The following RTP2 variants were observed in gnomAD, a reference collection of about 807,000 sequenced individuals.
RTP2 encodes receptor-transporting protein 2.
Under a neutral mutation model 17.9 loss-of-function variants are expected in RTP2, and 12 were observed. The observed-to-expected ratio is 0.67, with a 90% confidence interval of 0.43 to 1.09. The LOEUF is 1.09. Ranked by LOEUF, RTP2 falls within the 50% of genes least tolerant of loss-of-function variation. The probability of loss-of-function intolerance (pLI) is 0.00; values close to 1 mark genes in which losing one functional copy is unlikely to be tolerated. For synonymous variants in RTP2, 126 were observed against 117.7 expected, an observed-to-expected ratio of 1.07 and a Z score of -0.46; for missense variants, 327 against 295.7, an observed-to-expected ratio of 1.11 and a Z score of -0.78.
chr3:187,698,861 G>C, exon 2 of RTP2: 2 of 1,613,086 alleles, frequency 1.2e-6, no homozygotes, highest in Non-Finnish European at 8.5e-7. Flanking sequence ...TGCTGGACTC[G>C]TCCAGCCGCG....
chr3:187,703,626 C>T (rs1717912580), upstream of RTP2, among the ~76,000 whole-genome samples: 1 of 152,184 alleles, frequency 6.6e-6, no homozygotes, highest in African/African-American at 2.4e-5. Context: ...CTGGGTAGCT[C>T]AAACCTCACT....
upstream of RTP2, among the ~76,000 whole-genome samples, chr3:187,706,025 CA>C (rs1717983342): frequency 6.6e-6 from 1 of 152,194 alleles, no homozygotes; most frequent in Non-Finnish European, 1.5e-5. Context: ...AGAAGATACA[CA>C]GTCAATAGGA....
At chr3:187,713,659 G>A in the RTP2 span, among the ~76,000 whole-genome samples, 1 of 152,030 alleles carries the variant, frequency 6.6e-6, no homozygotes, top group Non-Finnish European at 1.5e-5. Context: ...AGGCTAACAT[G>A]AAGTTACAAA....
chr3:187,698,861 G>A (rs199718251), exon 2 of RTP2: 2 of 1,613,086 alleles, frequency 1.2e-6, no homozygotes, highest in South Asian at 1.1e-5. Flanking sequence ...TGCTGGACTC[G>A]TCCAGCCGCG....
chr3:187,707,579 T>C, the RTP2 span, among the ~76,000 whole-genome samples: 2 of 152,182 alleles, frequency 1.3e-5, no homozygotes, highest in African/African-American at 4.8e-5. Context: ...ATTTAGGACA[T>C]CTGGATCACA....
chr3:187,710,732 G>T, the RTP2 span, among the ~76,000 whole-genome samples: 1 of 151,964 alleles, frequency 6.6e-6, no homozygotes, highest in African/African-American at 2.4e-5. Flanking sequence ...CTCTAAATGG[G>T]ATTTCAGTAA....
At chr3:187,699,111 G>A in intron 1 of RTP2, 100 bp from the exon 2 acceptor site, 2 of 1,361,298 alleles carry the variant, frequency 1.5e-6, no homozygotes, top group South Asian at 1.5e-5. Context: ...GCCCGTGCTT[G>A]GAGATGGAGG....
chr3:187,709,790 T>A, the RTP2 span, among the ~76,000 whole-genome samples: 1 of 152,210 alleles, frequency 6.6e-6, no homozygotes, highest in Non-Finnish European at 1.5e-5. Flanking sequence ...TGTGAGGACA[T>A]GCATTGGCAA....
chr3:187,712,178 G>T, the RTP2 span, among the ~76,000 whole-genome samples: 1 of 152,076 alleles, frequency 6.6e-6, no homozygotes, highest in Non-Finnish European at 1.5e-5. Context: ...TCTGAATAAG[G>T]TCTGTGGATT....
the RTP2 span, among the ~76,000 whole-genome samples, chr3:187,710,071 G>T: frequency 1.3e-5 from 2 of 152,154 alleles, no homozygotes; most frequent in South Asian, 4.1e-4. Context: ...CCCTCCCAAC[G>T]TGGATGGGCA....
chr3:187,707,407 G>T (rs1490887072), upstream of RTP2, among the ~76,000 whole-genome samples: 1 of 152,184 alleles, frequency 6.6e-6, no homozygotes, highest in Admixed American at 6.5e-5. Context: ...AGTCAATAAG[G>T]CTTCCACAGA....
the RTP2 span, among the ~76,000 whole-genome samples, chr3:187,715,355 A>G: frequency 6.6e-6 from 1 of 152,184 alleles, no homozygotes; most frequent in South Asian, 2.1e-4. Context: ...CCTTTATTCT[A>G]TCAAGCTGAG....
chr3:187,708,520 C>G, the RTP2 span, among the ~76,000 whole-genome samples: 687 of 152,316 alleles, frequency 4.5e-3, 2 homozygotes, highest in African/African-American at 0.016. Context: ...CAGGGGACAA[C>G]ACCAAACTCA....
At chr3:187,706,254 C>T (rs1179143222), upstream of RTP2, among the ~76,000 whole-genome samples, 2 of 151,996 alleles carry the variant, frequency 1.3e-5, no homozygotes, top group Admixed American at 6.6e-5. Flanking sequence ...ATATGTTAAA[C>T]GAAGATGTTT....
At chr3:187,700,341 A>G (rs889090413) in intron 1 of RTP2, among the ~76,000 whole-genome samples, 12 of 152,190 alleles carry the variant, frequency 7.9e-5, no homozygotes, top group Admixed American at 7.9e-4. Flanking sequence ...GCTGGGTGAG[A>G]GCTGCAGGGC....
intron 1 of RTP2, among the ~76,000 whole-genome samples, chr3:187,699,364 T>A (rs962745153): frequency 6.6e-6 from 1 of 152,050 alleles, no homozygotes; most frequent in Non-Finnish European, 1.5e-5. Flanking sequence ...CATTTCTCAT[T>A]TGTGAAATGT....
At chr3:187,699,729 C>CCACACACA (rs1328615413) in intron 1 of RTP2, among the ~76,000 whole-genome samples, 55 of 116,518 alleles carry the variant, frequency 4.7e-4, no homozygotes, top group African/African-American at 1.1e-3. Flanking sequence ...CATTGCCACT[C>CCACACACA]CACACACACA....
At chr3:187,711,151 G>A in the RTP2 span, among the ~76,000 whole-genome samples, 1 of 152,136 alleles carries the variant, frequency 6.6e-6, no homozygotes, top group Non-Finnish European at 1.5e-5. Context: ...AGCTTTGTTG[G>A]CGCTTTAGGA....
the RTP2 span, among the ~76,000 whole-genome samples, chr3:187,711,703 C>T: frequency 6.6e-6 from 1 of 152,174 alleles, no homozygotes; most frequent in South Asian, 2.1e-4. Flanking sequence ...ATTTTCCTCT[C>T]AGCTCTGCCA....
Sources: gnomAD v4.1 joint callset for allele counts (sites outside exome capture counted in the v4.1 genomes callset) on GRCh38, gnomAD v4.1.1 for gene constraint, MANE v1.5 for transcripts, NCBI Gene and HGNC (gene_info 2026-07-23, HGNC 2026-07-21) for gene names.